CFAP20DC: variants seen among roughly 807,000 people sequenced by gnomAD.
CFAP20DC encodes the protein protein CFAP20DC.
Under a neutral mutation model 101.7 loss-of-function variants are expected in CFAP20DC, and 84 were observed. That is an observed-to-expected ratio of 0.83 (90% CI 0.69 to 0.99). The LOEUF (loss-of-function observed/expected upper bound fraction) is 0.99, where lower values mean the gene tolerates loss of function less well. Among genes scored for constraint, CFAP20DC ranks in the 50% least tolerant of loss-of-function variants. The pLI, the probability that CFAP20DC is intolerant of heterozygous loss-of-function variation, is 0.00. For missense variants in CFAP20DC, 1,007 were observed against 970.3 expected (o/e 1.04, Z -0.50); for synonymous variants, 359 against 351.2 (o/e 1.02, Z -0.25).
chr3:58,955,857 C>A (rs1056557118), intron 4 of CFAP20DC, among the ~76,000 whole-genome samples: 1 of 151,462 alleles, frequency 6.6e-6, no homozygotes, highest in African/African-American at 2.4e-5. Flanking sequence ...AGCTCAGCAG[C>A]AGTAGGATAG....
At chr3:58,808,511 T>G (rs2074311320) in intron 14 of CFAP20DC, among the ~76,000 whole-genome samples, 1 of 152,134 alleles carries the variant, frequency 6.6e-6, no homozygotes, top group South Asian at 2.1e-4. Flanking sequence ...GACAAGCAAA[T>G]GCTGAGACAT....
intron 14 of CFAP20DC, among the ~76,000 whole-genome samples, chr3:58,810,602 G>T (rs1468862429): frequency 6.7e-6 from 1 of 149,568 alleles, no homozygotes; most frequent in Non-Finnish European, 1.5e-5. Context: ...GTATCATACT[G>T]AATGGGCAAA....
intron 14 of CFAP20DC, among the ~76,000 whole-genome samples, chr3:58,817,050 G>C (rs1435207476): frequency 9.2e-5 from 14 of 152,032 alleles, no homozygotes; most frequent in African/African-American, 1.4e-4. Flanking sequence ...CACACGGCAG[G>C]GTATTCCAAC....
rs80084161 is a variant in CFAP20DC at position 58,911,325 on chromosome 3, G to T, written c.550+2383C>A. ...CCACAACATAAATGAATCTCACAAA[G>T]AATGTTTAGTACAAGAATGCATACA... is the stretch of plus-strand genomic sequence containing the variant. On this transcript the variant is annotated intron_variant, in intron 6 of 16. Transcript: ENST00000482387. Among the ~76,000 whole-genome samples, 389 of 152,220 alleles carry T rather than the reference G, an allele frequency of 2.6e-3. 5 individuals are homozygous for T. Among genetic ancestry groups the T allele is most frequent in the Admixed American group, 0.018 (271 of 15,278 alleles).
At chr3:59,047,694 G>T (rs1699975276) in intron 1 of CFAP20DC, among the ~76,000 whole-genome samples, 1 of 152,166 alleles carries the variant, frequency 6.6e-6, no homozygotes, top group Admixed American at 6.5e-5. Flanking sequence ...ACTGACTGAG[G>T]CTCCAACACT....
intron 14 of CFAP20DC, among the ~76,000 whole-genome samples, chr3:58,812,273 C>T (rs547945464): frequency 1.5e-4 from 23 of 152,138 alleles, no homozygotes; most frequent in South Asian, 6.2e-4. Flanking sequence ...TATTGCGGCT[C>T]TATTCACAAT....
At chr3:58,730,815 A>G (rs1001103974) in intron 3 of CFAP20DC, among the ~76,000 whole-genome samples, 1 of 152,296 alleles carries the variant, frequency 6.6e-6, no homozygotes, top group Non-Finnish European at 1.5e-5. Flanking sequence ...AATTCATCAT[A>G]CACGGTAAGC....
chr3:59,039,395 G>T (rs1378219633), intron 4 of CFAP20DC, among the ~76,000 whole-genome samples, 162 bp downstream of exon 4: 3 of 151,990 alleles, frequency 2.0e-5, no homozygotes, highest in Non-Finnish European at 4.4e-5. Context: ...TGATATCCAA[G>T]AAATATGATT....
Position 58,742,557 on chromosome 3 carries a change from C to A in CFAP20DC, c.2348G>T (p.Ser783Ile), listed in dbSNP as rs556741319. 2.5e-6 allele frequency: 4 copies of A among 1,601,898 alleles called. No individual in the cohort carries two copies. The highest frequency in any genetic ancestry group is 2.3e-5 in the East Asian group (1 of 44,042). The part of the protein sequence containing the change: ...SLSVQGEEDL[S>I]VEEDEEVLTL... The stretch of plus-strand genomic sequence containing the variant: ...CAGTACTTCCTCGTCCTCTTCCACA[C>A]TGAGGTCTTCTTCACCTGTGGGGAA... The change falls in exon 17 of 17, where the codon AGT (serine) becomes ATT (isoleucine). Residue 783 changes from serine to isoleucine, a missense_variant. Coordinates refer to ENST00000482387, the MANE Select transcript of CFAP20DC (RefSeq NM_001394063.1).
At chr3:59,026,943 C>T (rs1408670715) in intron 4 of CFAP20DC, among the ~76,000 whole-genome samples, 1 of 152,146 alleles carries the variant, frequency 6.6e-6, no homozygotes, top group Non-Finnish European at 1.5e-5. Flanking sequence ...TTGAGGTCTA[C>T]GTGGACCTAA....
rs1015186271 is a variant in CFAP20DC at position 58,874,241 on chromosome 3, T to C, written c.716-3932A>G. On this transcript the variant is annotated intron_variant, in intron 7 of 16. Coordinates refer to ENST00000482387, the MANE Select transcript of CFAP20DC (RefSeq NM_001394063.1). The surrounding 1 kb of genome is among the most constrained non-coding windows in gnomAD (Gnocchi z 5.1). ...TTGACACCTTCCCCTGATCTCTCCA[T>C]ATCCCATCCATGTCCACTTCCTTCC... 1.3e-5 allele frequency among the ~76,000 whole-genome samples: 2 copies of C among 152,282 alleles called. No individual in the cohort carries two copies. Among genetic ancestry groups the C allele is most frequent in the East Asian group, 3.9e-4 (2 of 5,176 alleles).
chr3:58,947,625 C>A (rs748177497), intron 4 of CFAP20DC, among the ~76,000 whole-genome samples: 1 of 152,146 alleles, frequency 6.6e-6, no homozygotes, highest in Non-Finnish European at 1.5e-5. Context: ...AGTAAGGTCT[C>A]CAATTCTTGT....
In CFAP20DC at chr3:58,913,814, C is replaced by T. The variant is rs1161700179; in HGVS notation, c.444G>A (p.Lys148=). ...DLVAFTSEIF[K]GAVFQSLDGI... ...CATCCAATGACTGGAAAACTGCCCC[C>T]TTGAATATTTCACTGGTGAATGCTA... The change falls in exon 6 of 17, where the codon AAG becomes AAA. Residue 148 remains lysine, a synonymous_variant. Transcript: ENST00000482387. The surrounding 1 kb of genome is among the most constrained non-coding windows in gnomAD (Gnocchi z 4.4). 18 of 1,613,624 alleles carry T rather than the reference C, an allele frequency of 1.1e-5. No homozygotes were observed. The highest frequency in any genetic ancestry group is 1.4e-5 in the Non-Finnish European group (17 of 1,179,764).
chr3:58,779,780 GA>G (rs1035107750), intron 15 of CFAP20DC, among the ~76,000 whole-genome samples: 6 of 152,200 alleles, frequency 3.9e-5, no homozygotes, highest in Non-Finnish European at 8.8e-5. Flanking sequence ...GAAAGGGTTA[GA>G]AAAATCTATT....
chr3:58,835,859 T>C (rs1358296230), intron 13 of CFAP20DC, among the ~76,000 whole-genome samples: 1 of 152,224 alleles, frequency 6.6e-6, no homozygotes, highest in Non-Finnish European at 1.5e-5. Flanking sequence ...CAGCACAAGA[T>C]GTCATCTAAC....
At chr3:58,980,191 G>C (rs988041557) in intron 4 of CFAP20DC, among the ~76,000 whole-genome samples, 1 of 152,116 alleles carries the variant, frequency 6.6e-6, no homozygotes, top group Non-Finnish European at 1.5e-5. Context: ...TAATGCCTCT[G>C]TCTGAGTTGT....
intron 4 of CFAP20DC, among the ~76,000 whole-genome samples, chr3:58,963,190 TTGTGTGTGTGTGTGTGTGTGTG>T (rs56234919): frequency 0.013 from 1,489 of 118,298 alleles, 31 homozygotes; most frequent in African/African-American, 0.041. Flanking sequence ...GTTCAGTAGT[TTGTGTGTGTGTGTGTGTGTGTG>T]TGTGTGTGTG....
intron 6 of CFAP20DC, among the ~76,000 whole-genome samples, chr3:58,889,411 C>G (rs1287449187): frequency 2.6e-5 from 4 of 152,260 alleles, no homozygotes; most frequent in African/African-American, 9.6e-5. Context: ...GTCAGTGAAA[C>G]TTCAAAGACA....
At chr3:59,019,134 C>T (rs1228271060) in intron 4 of CFAP20DC, 1 of 152,030 alleles carries the variant, frequency 6.6e-6, no homozygotes, top group Non-Finnish European at 1.5e-5. Context: ...TAACTTGTCT[C>T]AAACCATAAG....
Sources: allele counts gnomAD v4.1 joint callset (sites outside exome capture counted in the v4.1 genomes callset), GRCh38; gene constraint gnomAD v4.1.1; non-coding constraint Gnocchi (gnomAD v3.1); transcripts MANE v1.5; gene names NCBI Gene and HGNC (gene_info 2026-07-23, HGNC 2026-07-21).